Variants in ARSB observed in about 807,000 individuals in gnomAD.
ARSB encodes the protein N-acetylgalactosamine-4-sulfatase.
Under a neutral mutation model 50.9 loss-of-function variants are expected in ARSB, and 41 were observed. The ratio of observed to expected loss-of-function variants is 0.81; its 90% CI spans 0.63 to 1.04. The LOEUF is 1.04. Among genes scored for constraint, ARSB ranks in the 50% least tolerant of loss-of-function variants. ARSB has a pLI of 0.00. For missense variants in ARSB, 672 were observed against 693.3 expected (o/e 0.97, Z 0.35); for synonymous variants, 269 against 284.8 (o/e 0.94, Z 0.56).
intron 6 of ARSB, among the ~76,000 whole-genome samples, chr5:78,816,589 A>C (rs1744001976): frequency 6.6e-6 from 1 of 152,262 alleles, no homozygotes; most frequent in East Asian, 1.9e-4. Flanking sequence ...TACTAATCAG[A>C]GAGCATCTGC....
chr5:78,818,046 G>A (rs983952372), intron 6 of ARSB, among the ~76,000 whole-genome samples: 2 of 152,148 alleles, frequency 1.3e-5, no homozygotes, highest in Non-Finnish European at 2.9e-5. Context: ...TACTCAGCTG[G>A]CTGAGGTAGG....
intron 6 of ARSB, among the ~76,000 whole-genome samples, chr5:78,787,502 A>G (rs1749125690): frequency 6.6e-6 from 1 of 152,206 alleles, no homozygotes; most frequent in Admixed American, 6.5e-5. Flanking sequence ...ATGCCAATTT[A>G]AGAAATATTT....
intron 1 of ARSB, among the ~76,000 whole-genome samples, chr5:78,979,724 G>C (rs1024058376): frequency 6.6e-6 from 1 of 152,174 alleles, no homozygotes. Context: ...TCATGGCCAT[G>C]GGACAGACAA....
chr5:78,901,595 T>TAA (rs35632995), intron 4 of ARSB, among the ~76,000 whole-genome samples: 16 of 151,692 alleles, frequency 1.1e-4, no homozygotes, highest in South Asian at 1.0e-3. Context: ...ATATCTACGT[T>TAA]AAAAAAAACA....
intron 4 of ARSB, among the ~76,000 whole-genome samples, chr5:78,886,151 C>T (rs1162559214): frequency 6.6e-6 from 1 of 152,084 alleles, no homozygotes; most frequent in Admixed American, 6.5e-5. Context: ...ACCTGTGTAA[C>T]TTTGTATAGC....
intron 6 of ARSB, among the ~76,000 whole-genome samples, chr5:78,817,513 T>C (rs1236505264): frequency 2.6e-5 from 4 of 151,914 alleles, no homozygotes; most frequent in Admixed American, 2.6e-4. Context: ...TAAATCAAAT[T>C]AAGATCTCTG....
At chr5:78,809,177 C>T (rs1432368542) in intron 6 of ARSB, among the ~76,000 whole-genome samples, 2 of 152,202 alleles carry the variant, frequency 1.3e-5, no homozygotes, top group Non-Finnish European at 2.9e-5. Flanking sequence ...GCTACAGGTG[C>T]ATAGAACACG....
intron 4 of ARSB, among the ~76,000 whole-genome samples, chr5:78,935,859 G>A (rs1418930639): frequency 4.0e-5 from 6 of 151,828 alleles, no homozygotes; most frequent in Non-Finnish European, 7.4e-5. Context: ...CAGGCCATCT[G>A]CCTCCTGAGT....
chr5:78,881,582 G>A (rs1024383891), intron 5 of ARSB, among the ~76,000 whole-genome samples: 2 of 152,038 alleles, frequency 1.3e-5, no homozygotes, highest in African/African-American at 4.8e-5. Context: ...AATATAAAAA[G>A]TTAAATATTA....
chr5:78,798,533 C>T (rs1008633890), intron 6 of ARSB, among the ~76,000 whole-genome samples: 5 of 152,100 alleles, frequency 3.3e-5, no homozygotes, highest in African/African-American at 9.7e-5. Context: ...TAGTGCAATC[C>T]CAACCACAAA....
chr5:78,847,921 T>C (rs9632424), intron 5 of ARSB, among the ~76,000 whole-genome samples: 24,738 of 152,068 alleles, frequency 0.16, 2,031 homozygotes, highest in East Asian at 0.18. Flanking sequence ...TCCTTTTTTG[T>C]TGGTGATTTT....
intron 5 of ARSB, among the ~76,000 whole-genome samples, chr5:78,850,966 C>A (rs1435958843): frequency 6.6e-6 from 1 of 152,074 alleles, no homozygotes; most frequent in African/African-American, 2.4e-5. Context: ...CTTTGTTAGT[C>A]TTGCTAGCGG....
intron 6 of ARSB, among the ~76,000 whole-genome samples, chr5:78,796,914 G>C (rs1156485819): frequency 1.5e-5 from 2 of 129,600 alleles, no homozygotes; most frequent in Non-Finnish European, 1.6e-5. Context: ...GTCTCGCTCT[G>C]TCGCCCAGGC....
At chr5:78,963,833 G>T (rs527300356) in intron 3 of ARSB, among the ~76,000 whole-genome samples, 5 of 152,166 alleles carry the variant, frequency 3.3e-5, no homozygotes, top group Admixed American at 2.0e-4. Flanking sequence ...CTTTGGGCAG[G>T]GGGGAGCTGG....
At chr5:78,930,534 G>T (rs1750275788) in intron 4 of ARSB, among the ~76,000 whole-genome samples, 1 of 152,138 alleles carries the variant, frequency 6.6e-6, no homozygotes, top group Non-Finnish European at 1.5e-5. Context: ...TACAAAAAAA[G>T]ATCATAAAGA....
At chr5:78,977,184 T>A (rs769331728) in intron 1 of ARSB, among the ~76,000 whole-genome samples, 2 of 146,234 alleles carry the variant, frequency 1.4e-5, no homozygotes, top group South Asian at 2.1e-4. Context: ...GATGGAGTCT[T>A]GCTCTGTTGC....
intron 6 of ARSB, among the ~76,000 whole-genome samples, chr5:78,784,714 C>T (rs1490650664): frequency 6.6e-6 from 1 of 151,444 alleles, no homozygotes; most frequent in Non-Finnish European, 1.5e-5. Context: ...AGTAATATTG[C>T]CTGTTTATTC....
chr5:78,885,885 A>T lies in ARSB; in HGVS notation c.899-58T>A. 3.7e-6 allele frequency: 6 copies of T among 1,613,138 alleles called. No individual in the cohort carries two copies. The South Asian group carries it at 6.6e-5, about 18-fold the overall frequency. Reference sequence around the variant, plus strand: ...ATGTTAACTCTTAAATACATTTAAGAACAGAGACTGTATGTACATTGTTAC... The same window carrying T: ...ATGTTAACTCTTAAATACATTTAAGTACAGAGACTGTATGTACATTGTTAC... On this transcript the variant is annotated intron_variant, in intron 4 of 7. Coordinates refer to ENST00000264914, the MANE Select transcript of ARSB (RefSeq NM_000046.5).
chr5:78,976,871 T>C (rs753807698), intron 1 of ARSB, among the ~76,000 whole-genome samples: 68 of 152,300 alleles, frequency 4.5e-4, no homozygotes, highest in Non-Finnish European at 7.8e-4. Context: ...GCCTCCCTCC[T>C]CTAGCTCTTG....
Sources: gnomAD v4.1 joint callset for allele counts (sites outside exome capture counted in the v4.1 genomes callset) on GRCh38, gnomAD v4.1.1 for gene constraint, MANE v1.5 for transcripts, NCBI Gene and HGNC (gene_info 2026-07-23, HGNC 2026-07-21) for gene names.